SCRG1: variants seen among roughly 807,000 people sequenced by gnomAD.
The protein encoded by SCRG1 is stimulator of chondrogenesis 1.
A neutral mutation model predicts 7.7 loss-of-function variants in SCRG1; 3 were observed. The observed-to-expected ratio is 0.39, with a 90% CI of 0.18 to 1.01. The LOEUF (loss-of-function observed/expected upper bound fraction) is 1.01, where lower values mean the gene tolerates loss of function less well. Among genes scored for constraint, SCRG1 ranks in the 50% least tolerant of loss-of-function variants. The pLI, the probability that SCRG1 is intolerant of heterozygous loss-of-function variation, is 0.36. For synonymous variants in SCRG1, 46 were observed against 41.2 expected, an observed-to-expected ratio of 1.12 and a Z score of -0.44; for missense variants, 110 against 117.2, an observed-to-expected ratio of 0.94 and a Z score of 0.28.
chr4:173,517,738 C>T, the SCRG1 span, among the ~76,000 whole-genome samples: 2 of 152,200 alleles, frequency 1.3e-5, no homozygotes, highest in Admixed American at 6.5e-5. Flanking sequence ...CTGATTTTAC[C>T]GGAGATTGGA....
chr4:173,464,456 G>C, the SCRG1 span, among the ~76,000 whole-genome samples: 2 of 152,182 alleles, frequency 1.3e-5, no homozygotes, highest in African/African-American at 4.8e-5. Flanking sequence ...CAAACATTGT[G>C]GTTGTAAAGA....
At chr4:173,476,363 A>AATATATATATATATAT in the SCRG1 span, among the ~76,000 whole-genome samples, 18 of 98,254 alleles carry the variant, frequency 1.8e-4, no homozygotes, top group East Asian at 7.3e-4. Flanking sequence ...GGAAAAAAAA[A>AATATATATATATATAT]ATATATATAT....
At chr4:173,472,983 T>C in the SCRG1 span, among the ~76,000 whole-genome samples, 1 of 152,314 alleles carries the variant, frequency 6.6e-6, no homozygotes, top group Admixed American at 6.5e-5. Context: ...AGCTCAAGTA[T>C]TTGGCCATAG....
At chr4:173,400,884 A>G (rs537305969), upstream of SCRG1, among the ~76,000 whole-genome samples, 1 of 152,208 alleles carries the variant, frequency 6.6e-6, no homozygotes, top group Non-Finnish European at 1.5e-5. Flanking sequence ...AGTTCATGAT[A>G]CGACTGAGAG....
At chr4:173,453,267 T>A in the SCRG1 span, among the ~76,000 whole-genome samples, 10 of 152,220 alleles carry the variant, frequency 6.6e-5, no homozygotes, top group African/African-American at 2.4e-4. Context: ...TGTATAAACA[T>A]CCTTGTAATC....
chr4:173,388,968 A>ACC (rs1739331531), intron 2 of SCRG1, among the ~76,000 whole-genome samples: 5 of 152,228 alleles, frequency 3.3e-5, no homozygotes, highest in Admixed American at 3.3e-4. Flanking sequence ...AATCAAGTAT[A>ACC]CCCACACTGC....
the SCRG1 span, among the ~76,000 whole-genome samples, chr4:173,493,432 C>G: frequency 6.6e-6 from 1 of 152,064 alleles, no homozygotes; most frequent in Non-Finnish European, 1.5e-5. Context: ...AATTTAGGAG[C>G]ACTTTCATCT....
the SCRG1 span, among the ~76,000 whole-genome samples, chr4:173,448,144 G>T: frequency 3.8e-3 from 586 of 152,256 alleles, no homozygotes; most frequent in Non-Finnish European, 6.2e-3. Context: ...AACCCATCAG[G>T]ATGGGGGGTC....
chr4:173,516,410 G>T, the SCRG1 span, among the ~76,000 whole-genome samples: 6 of 152,242 alleles, frequency 3.9e-5, no homozygotes, highest in African/African-American at 1.4e-4. Flanking sequence ...AAGAACTGGA[G>T]CAATGATTAT....
the SCRG1 span, among the ~76,000 whole-genome samples, chr4:173,509,829 G>A: frequency 6.6e-6 from 1 of 152,162 alleles, no homozygotes; most frequent in African/African-American, 2.4e-5. The surrounding 1 kb of genome is among the most constrained non-coding windows in gnomAD (Gnocchi z 5.7). Context: ...AGAAAACTGA[G>A]CGCCGGCTGG....
At chr4:173,510,902 CT>C in the SCRG1 span, among the ~76,000 whole-genome samples, 3 of 152,220 alleles carry the variant, frequency 2.0e-5, no homozygotes, top group Non-Finnish European at 4.4e-5. This position sits in a 1 kb window ranked among gnomAD's most constrained non-coding sequence, Gnocchi z 5.7. Flanking sequence ...AGAATCTATT[CT>C]TCTGGGCTGG....
the SCRG1 span, among the ~76,000 whole-genome samples, chr4:173,425,509 A>G: frequency 1.3e-4 from 20 of 152,200 alleles, no homozygotes; most frequent in Admixed American, 5.9e-4. Context: ...TCTCACACAT[A>G]TACTGGATCT....
the SCRG1 span, among the ~76,000 whole-genome samples, chr4:173,439,453 T>C: frequency 6.6e-6 from 1 of 151,764 alleles, no homozygotes; most frequent in African/African-American, 2.4e-5. Flanking sequence ...AGGTCAAGGC[T>C]GCAGTGAGCC....
At chr4:173,490,245 T>A in the SCRG1 span, among the ~76,000 whole-genome samples, 4 of 152,242 alleles carry the variant, frequency 2.6e-5, no homozygotes, top group African/African-American at 9.6e-5. Flanking sequence ...ACATTATGGC[T>A]TATTAAATCA....
the SCRG1 span, among the ~76,000 whole-genome samples, chr4:173,488,520 C>G: frequency 6.6e-6 from 1 of 152,146 alleles, no homozygotes; most frequent in Non-Finnish European, 1.5e-5. Context: ...TTCTTATCTG[C>G]TCTGAGTTAG....
chr4:173,459,009 G>C, the SCRG1 span, among the ~76,000 whole-genome samples: 2 of 152,106 alleles, frequency 1.3e-5, no homozygotes, highest in African/African-American at 4.8e-5. Context: ...TGTTAAAAGA[G>C]ACAAAAGTTA....
chr4:173,514,374 T>TTTGTTG, the SCRG1 span, among the ~76,000 whole-genome samples: 2 of 152,188 alleles, frequency 1.3e-5, no homozygotes, highest in African/African-American at 2.4e-5. Context: ...ATTGACTTCT[T>TTTGTTG]TTGTTGTTGT....
At chr4:173,468,894 C>G in the SCRG1 span, 89,727 of 151,896 alleles carry the variant, frequency 0.59, 29,020 homozygotes, top group Non-Finnish European at 0.73. Flanking sequence ...CTTGCGGCAC[C>G]GTGCTTTGCT....
chr4:173,390,589 C>T (rs930451043), intron 2 of SCRG1, among the ~76,000 whole-genome samples: 1 of 151,858 alleles, frequency 6.6e-6, no homozygotes, highest in Admixed American at 6.6e-5. Context: ...TCTCCTGCCT[C>T]AGCTTCCTGA....
Sources: gnomAD v4.1 joint callset for allele counts (sites outside exome capture counted in the v4.1 genomes callset) on GRCh38, gnomAD v4.1.1 for gene constraint, Gnocchi (gnomAD v3.1) non-coding constraint, MANE v1.5 for transcripts, NCBI Gene and HGNC (gene_info 2026-07-23, HGNC 2026-07-21) for gene names.